The following FBN1 variants were observed in gnomAD, a reference collection of about 807,000 sequenced individuals.
FBN1 encodes the protein fibrillin 1.
Under a neutral mutation model 365.1 loss-of-function variants are expected in FBN1, and 29 were observed. The ratio of observed to expected loss-of-function variants is 0.08; its 90% CI spans 0.06 to 0.11. FBN1 has a LOEUF of 0.11. Among genes scored for constraint, FBN1 ranks in the 10% least tolerant of loss-of-function variants. The pLI, the probability that FBN1 is intolerant of heterozygous loss-of-function variation, is 1.00. For synonymous variants in FBN1, 1,210 were observed against 1,270.5 expected (o/e 0.95, Z 1.01); for missense variants, 2,476 against 3,703.2 (o/e 0.67, Z 8.60).
intron 4 of FBN1, among the ~76,000 whole-genome samples, chr15:48,607,527 T>TAAAA (rs11417261): frequency 1.2e-3 from 174 of 146,558 alleles, no homozygotes; most frequent in Non-Finnish European, 1.8e-3. Context: ...AGTATCCTTA[T>TAAAA]AAAAAAAAAA....
chr15:48,460,713 G>A (rs1432759402), intron 42 of FBN1, among the ~76,000 whole-genome samples: 5 of 152,054 alleles, frequency 3.3e-5, no homozygotes, highest in South Asian at 2.1e-4. Flanking sequence ...CCATTTTCTC[G>A]GTAGATTATA....
chr15:48,415,735 C>T lies in FBN1; in HGVS notation c.7852G>A (p.Gly2618Arg), dbSNP rs141133182. 1.9e-4 allele frequency: 305 copies of T among 1,614,198 alleles called. No homozygotes were observed. Among genetic ancestry groups the T allele is most frequent in the South Asian group, 4.0e-4 (36 of 91,082 alleles). Residue 2618 changes from glycine to arginine, a missense_variant, in exon 64 of 66, where the codon GGA becomes AGA. By Grantham distance (125) the Gly-to-Arg change is moderately radical. Around this residue, in one of 5 missense-constraint regions of FBN1, gnomAD observed 1,780 missense variants for 2,840.8 expected, o/e 0.63. Coordinates refer to ENST00000316623, the MANE Select transcript of FBN1 (RefSeq NM_000138.5). Reference sequence around the variant, plus strand: ...AGGGTGTTGTGACAGGAGGCTCCTCCGCAGATGTGAGCGCTGAGGCATTCG... The same window carrying T: ...AGGGTGTTGTGACAGGAGGCTCCTCTGCAGATGTGAGCGCTGAGGCATTCG... ...ENECLSAHIC[G>R]GASCHNTLGS...
intron 9 of FBN1, among the ~76,000 whole-genome samples, 175 bp downstream of exon 9, chr15:48,525,955 C>T (rs547380132): frequency 9.8e-4 from 149 of 152,270 alleles, no homozygotes; most frequent in African/African-American, 3.5e-3. Context: ...TCCAAAATGA[C>T]CACAAGGTGC....
At chr15:48,546,819 G>A (rs2141368772) in intron 6 of FBN1, among the ~76,000 whole-genome samples, 1 of 152,274 alleles carries the variant, frequency 6.6e-6, no homozygotes, top group Admixed American at 6.5e-5. Context: ...ACGTCCTTGG[G>A]CCAAAGAACC....
rs1396017880 is a variant in FBN1 at position 48,467,955 on chromosome 15, C to T, written c.4730G>A (p.Cys1577Tyr). ...CCACTTACATGTGTTCACAGCAGGACACATCTCACAAGGAGTACCCCAGGC... is the reference window on the plus strand; with the variant it reads ...CCACTTACATGTGTTCACAGCAGGATACATCTCACAAGGAGTACCCCAGGC... ...GKAWGTPCEM[C>Y]PAVNTSEYKI... Residue 1577 changes from cysteine (C) to tyrosine (Y), a missense_variant, in exon 38 of 66, where the codon TGT becomes TAT. By Grantham distance (194) the Cys-to-Tyr change is radical. Coordinates refer to ENST00000316623, the MANE Select transcript of FBN1 (RefSeq NM_000138.5). 1 of 1,614,022 alleles carries T rather than the reference C, an allele frequency of 6.2e-7. No homozygotes were observed. The highest frequency in any genetic ancestry group is 8.5e-7 in the Non-Finnish European group (1 of 1,179,942).
chr15:48,481,645 A>G lies in FBN1; in HGVS notation c.3964+10T>C. On this transcript the variant is annotated intron_variant, in intron 32 of 65. Coordinates refer to ENST00000316623, the MANE Select transcript of FBN1 (RefSeq NM_000138.5). ...CTTAATATTTTATTGTTCTACTTGA[A>G]CAAACACACCTGTACAGCCAGTTTT... The G allele has an allele frequency of 1.2e-6, 2 of 1,613,464 alleles. No individual in the cohort carries two copies. The highest frequency in any genetic ancestry group is 1.7e-6 in the Non-Finnish European group (2 of 1,179,566).
intron 9 of FBN1, among the ~76,000 whole-genome samples, chr15:48,522,943 G>T (rs1249332654): frequency 6.6e-6 from 1 of 152,178 alleles, no homozygotes; most frequent in Non-Finnish European, 1.5e-5. Context: ...ATTCCAGCCT[G>T]GTCCAGGATA....
At chr15:48,555,322 AG>A (rs1423902055) in intron 6 of FBN1, among the ~76,000 whole-genome samples, 1 of 152,144 alleles carries the variant, frequency 6.6e-6, no homozygotes, top group Non-Finnish European at 1.5e-5. Flanking sequence ...TCACCTCCGC[AG>A]AGTCACCCCA....
chr15:48,451,152 T>A (rs1566900158), intron 45 of FBN1, among the ~76,000 whole-genome samples: 1 of 152,246 alleles, frequency 6.6e-6, no homozygotes, highest in African/African-American at 2.4e-5. Context: ...GAATGTCTTA[T>A]CTTGATCTAT....
rs146146182 is a variant in FBN1, at chr15:48,479,978, T to C, written c.3964+1677A>G. Among the ~76,000 whole-genome samples the C allele has an allele frequency of 1.4e-3, 210 of 152,310 alleles. 1 individual carries two copies. Among genetic ancestry groups the C allele is most frequent in the Admixed American group, 0.011 (170 of 15,302 alleles). On this transcript the variant is annotated intron_variant, in intron 32 of 65. Transcript: ENST00000316623. Reference sequence around the variant, plus strand: ...ACTGTGTCTATGTTTCATTTGACAATAGCTTTTATTTATTGACCAGCACTG... The same window carrying C: ...ACTGTGTCTATGTTTCATTTGACAACAGCTTTTATTTATTGACCAGCACTG...
intron 45 of FBN1, 83 bp from the exon 46 acceptor site, chr15:48,448,976 G>T: frequency 1.7e-6 from 2 of 1,187,820 alleles, no homozygotes; most frequent in South Asian, 1.3e-5. Context: ...ATTCTCAGGA[G>T]TAATCCTAGC....
intron 6 of FBN1, among the ~76,000 whole-genome samples, chr15:48,542,679 G>C (rs1401871036): frequency 6.6e-6 from 1 of 151,996 alleles, no homozygotes; most frequent in African/African-American, 2.4e-5. Context: ...TCCTCCCCCA[G>C]TTTTCCCCAT....
At chr15:48,504,979 C>CA (rs2043695699) in intron 16 of FBN1, 46 bp downstream of exon 16, 1 of 1,612,108 alleles carries the variant, frequency 6.2e-7, no homozygotes, top group Non-Finnish European at 8.5e-7. Context: ...TATTGAGTGA[C>CA]AGAGGCTGAA....
intron 6 of FBN1, among the ~76,000 whole-genome samples, chr15:48,554,346 T>C (rs2044164225): frequency 6.6e-6 from 1 of 152,178 alleles, no homozygotes; most frequent in Non-Finnish European, 1.5e-5. Flanking sequence ...TGAAGCAACG[T>C]TCAAATCAGT....
At chr15:48,497,700 A>G (rs1163754095) in intron 18 of FBN1, among the ~76,000 whole-genome samples, 1 of 152,112 alleles carries the variant, frequency 6.6e-6, no homozygotes, top group Non-Finnish European at 1.5e-5. Context: ...GGAAAAATGG[A>G]TCGACAGCAG....
chr15:48,460,640 G>C (rs190834849), intron 42 of FBN1, among the ~76,000 whole-genome samples: 1 of 152,206 alleles, frequency 6.6e-6, no homozygotes, highest in Non-Finnish European at 1.5e-5. Flanking sequence ...CTCAGGGACT[G>C]GTAAGAGTGC....
chr15:48,597,698 T>C (rs2044526597), intron 5 of FBN1, among the ~76,000 whole-genome samples: 1 of 152,248 alleles, frequency 6.6e-6, no homozygotes, highest in Non-Finnish European at 1.5e-5. Context: ...CCAAAAATTA[T>C]GGCAGGAGGC....
chr15:48,480,547 G>A (rs991287587), intron 32 of FBN1, among the ~76,000 whole-genome samples: 2 of 151,974 alleles, frequency 1.3e-5, no homozygotes, highest in African/African-American at 4.8e-5. Flanking sequence ...TCATAATTTG[G>A]CTAGCATCTG....
intron 2 of FBN1, among the ~76,000 whole-genome samples, chr15:48,634,253 G>A (rs1890048178): frequency 6.6e-6 from 1 of 152,126 alleles, no homozygotes; most frequent in South Asian, 2.1e-4. Flanking sequence ...ATATACACAG[G>A]TGCATACCAG....
Sources: allele counts gnomAD v4.1 joint callset (sites outside exome capture counted in the v4.1 genomes callset), GRCh38; gene constraint gnomAD v4.1.1; regional missense constraint gnomAD v4.1.1; transcripts MANE v1.5; gene names NCBI Gene and HGNC (gene_info 2026-07-23, HGNC 2026-07-21).